Variants in CNNM2 observed in about 807,000 individuals in gnomAD.
The protein encoded by CNNM2 is metal transporter CNNM2.
A neutral mutation model predicts 66.9 loss-of-function variants in CNNM2; 12 were observed. The observed-to-expected ratio is 0.18, with a 90% CI of 0.11 to 0.29. CNNM2 has a LOEUF of 0.29. Among genes scored for constraint, CNNM2 ranks in the 10% least tolerant of loss-of-function variants. The pLI, the probability that CNNM2 is intolerant of heterozygous loss-of-function variation, is 1.00. For missense variants in CNNM2, 705 were observed against 1,167.7 expected (o/e 0.60, Z 5.77); for synonymous variants, 557 against 501.8 (o/e 1.11, Z -1.47).
chr10:103,076,866 C>T (rs1481000876), intron 7 of CNNM2, 105 bp from the exon 8 acceptor site: 1 of 1,023,788 alleles, frequency 9.8e-7, no homozygotes, highest in Admixed American at 1.8e-5. Context: ...TGATTTTCTC[C>T]TAGAGAGGCT....
At chr10:102,949,446 A>G (rs1846745069) in intron 1 of CNNM2, among the ~76,000 whole-genome samples, 1 of 150,630 alleles carries the variant, frequency 6.6e-6, no homozygotes, top group Admixed American at 6.6e-5. Flanking sequence ...AAGTGCTGGG[A>G]TTACAGGCAT....
intron 1 of CNNM2, among the ~76,000 whole-genome samples, chr10:103,045,429 A>G (rs1215163897): frequency 6.6e-6 from 1 of 152,214 alleles, no homozygotes; most frequent in Non-Finnish European, 1.5e-5. Flanking sequence ...AAGTTAAGAA[A>G]GGGCCAACAG....
intron 1 of CNNM2, among the ~76,000 whole-genome samples, chr10:102,986,662 C>A (rs982644536): frequency 6.6e-6 from 1 of 151,398 alleles, no homozygotes; most frequent in African/African-American, 2.4e-5. Context: ...TACCTGTAGT[C>A]CCAGCTACTT....
intron 4 of CNNM2, among the ~76,000 whole-genome samples, chr10:103,065,639 TGGAGACA>T (rs1194506409): frequency 2.0e-5 from 3 of 152,168 alleles, no homozygotes; most frequent in Non-Finnish European, 4.4e-5. Flanking sequence ...TCCAGATAAC[TGGAGACA>T]CCCAGGAACG....
chr10:102,922,203 C>T (rs892249760), intron 1 of CNNM2, among the ~76,000 whole-genome samples: 6 of 152,128 alleles, frequency 3.9e-5, no homozygotes, highest in African/African-American at 1.2e-4. Context: ...GTGGCATATT[C>T]GGAAGAGCAG....
chr10:102,975,717 C>T (rs1429443804), intron 1 of CNNM2, among the ~76,000 whole-genome samples: 1 of 152,126 alleles, frequency 6.6e-6, no homozygotes, highest in Non-Finnish European at 1.5e-5. Flanking sequence ...TGATTGATCT[C>T]TAAGGCCTCC....
chr10:103,048,140 G>T (rs2065157434), intron 1 of CNNM2, among the ~76,000 whole-genome samples: 1 of 151,126 alleles, frequency 6.6e-6, no homozygotes, highest in East Asian at 2.0e-4. Context: ...GGCCAGGTTG[G>T]TCTTGAACTC....
At chr10:103,007,049 T>C (rs1564842351) in intron 1 of CNNM2, among the ~76,000 whole-genome samples, 1 of 152,252 alleles carries the variant, frequency 6.6e-6, no homozygotes, top group Admixed American at 6.5e-5. Flanking sequence ...AAGTGTCGGC[T>C]GATCTGAGAA....
At chr10:102,992,993 CA>C (rs1263404626) in intron 1 of CNNM2, among the ~76,000 whole-genome samples, 1 of 151,738 alleles carries the variant, frequency 6.6e-6, no homozygotes, top group Admixed American at 6.6e-5. Flanking sequence ...TCACTTTTTT[CA>C]AAAAAGGTCT....
chr10:103,025,281 G>T (rs916737293), intron 1 of CNNM2, among the ~76,000 whole-genome samples: 2 of 152,040 alleles, frequency 1.3e-5, no homozygotes, highest in African/African-American at 4.8e-5. Context: ...AGTAGAGGTG[G>T]GGTTTCACCG....
intron 1 of CNNM2, among the ~76,000 whole-genome samples, chr10:103,049,424 C>T (rs191496085): frequency 1.1e-4 from 17 of 152,202 alleles, no homozygotes; most frequent in Non-Finnish European, 2.4e-4. Context: ...TGGCAGTTGC[C>T]GAAAGGTTAC....
intron 1 of CNNM2, among the ~76,000 whole-genome samples, chr10:103,046,714 G>A (rs2065132908): frequency 1.3e-5 from 2 of 152,286 alleles, no homozygotes; most frequent in South Asian, 4.1e-4. Context: ...CAAGCTAAAA[G>A]GAAGGCAGCT....
chr10:103,075,924 C>T (rs533426179), intron 6 of CNNM2, among the ~76,000 whole-genome samples, 162 bp from the exon 7 acceptor site: 15 of 152,292 alleles, frequency 9.8e-5, no homozygotes, highest in East Asian at 7.7e-4. Context: ...CCCGCGAGTC[C>T]GCCATACATA....
At chr10:103,002,581 G>C (rs1379753589) in intron 1 of CNNM2, among the ~76,000 whole-genome samples, 1 of 151,556 alleles carries the variant, frequency 6.6e-6, no homozygotes, top group East Asian at 1.9e-4. Context: ...CTGGGTTCGA[G>C]TGATTCTCCT....
chr10:102,996,447 G>A (rs1250655899), intron 1 of CNNM2, among the ~76,000 whole-genome samples: 1 of 152,206 alleles, frequency 6.6e-6, no homozygotes, highest in Non-Finnish European at 1.5e-5. Flanking sequence ...GCTCACGCCT[G>A]TAATCCCAGC....
At chr10:102,937,154 A>G (rs1846267698) in intron 1 of CNNM2, among the ~76,000 whole-genome samples, 1 of 152,220 alleles carries the variant, frequency 6.6e-6, no homozygotes, top group South Asian at 2.1e-4. Flanking sequence ...TGTTTTCAAA[A>G]CATGTTAATA....
At chr10:102,967,898 C>T (rs1225893329) in intron 1 of CNNM2, among the ~76,000 whole-genome samples, 5 of 152,178 alleles carry the variant, frequency 3.3e-5, no homozygotes, top group Admixed American at 2.0e-4. Flanking sequence ...ATCCCAGCTA[C>T]GTGGGAGGCT....
At chr10:103,072,014 C>A (rs1310370251) in intron 6 of CNNM2, among the ~76,000 whole-genome samples, 175 bp downstream of exon 6, 2 of 152,166 alleles carry the variant, frequency 1.3e-5, no homozygotes, top group African/African-American at 4.8e-5. Context: ...AAAGCATAAG[C>A]CACAGCAGGT....
intron 1 of CNNM2, among the ~76,000 whole-genome samples, chr10:102,953,984 A>C (rs1203411541): frequency 6.6e-6 from 1 of 152,170 alleles, no homozygotes; most frequent in Non-Finnish European, 1.5e-5. Context: ...CAGGAAACCA[A>C]AGCTCAGAAA....
Sources: gnomAD v4.1 joint callset for allele counts (sites outside exome capture counted in the v4.1 genomes callset) on GRCh38, gnomAD v4.1.1 for gene constraint, MANE v1.5 for transcripts, NCBI Gene and HGNC (gene_info 2026-07-23, HGNC 2026-07-21) for gene names.